MAN1A1: variants seen among roughly 807,000 people sequenced by gnomAD.
The protein encoded by MAN1A1 is mannosyl-oligosaccharide 1,2-alpha-mannosidase IA.
MAN1A1 carries 29 observed loss-of-function variants against 70.8 expected under a neutral mutation model. The ratio of observed to expected loss-of-function variants is 0.41; its 90% CI spans 0.31 to 0.56. MAN1A1 has a LOEUF of 0.56. Ranked by LOEUF, MAN1A1 falls within the 20% of genes least tolerant of loss-of-function variation. The pLI is 0.29. For synonymous variants in MAN1A1, 349 were observed against 330.1 expected (o/e 1.06, Z -0.62); for missense variants, 747 against 841.3 (o/e 0.89, Z 1.39).
intron 6 of MAN1A1, among the ~76,000 whole-genome samples, chr6:119,220,784 T>C (rs1218747053): frequency 6.6e-6 from 1 of 152,178 alleles, no homozygotes; most frequent in African/African-American, 2.4e-5. Flanking sequence ...TAAATACTTC[T>C]ATATAGGTTA....
At chr6:119,230,030 A>G (rs1275401526) in intron 6 of MAN1A1, among the ~76,000 whole-genome samples, 1 of 152,170 alleles carries the variant, frequency 6.6e-6, no homozygotes, top group African/African-American at 2.4e-5. Context: ...TTCTAGTCAA[A>G]TGATCTGATG....
chr6:119,348,017 A>C (rs1005971455), intron 2 of MAN1A1, among the ~76,000 whole-genome samples: 1 of 152,238 alleles, frequency 6.6e-6, no homozygotes, highest in African/African-American at 2.4e-5. Context: ...CTGGCAGACA[A>C]GGGCCACACA....
intron 2 of MAN1A1, among the ~76,000 whole-genome samples, chr6:119,308,880 T>C (rs1772604859): frequency 6.6e-6 from 1 of 152,216 alleles, no homozygotes; most frequent in Non-Finnish European, 1.5e-5. Context: ...CGATAATTTG[T>C]TTCAGCTTTG....
upstream of MAN1A1, among the ~76,000 whole-genome samples, chr6:119,350,079 C>T (rs1444836596): frequency 6.6e-6 from 1 of 152,124 alleles, no homozygotes; most frequent in African/African-American, 2.4e-5. Context: ...CCTGCGCTGG[C>T]CTCGGCAGGG....
chr6:119,312,400 C>T (rs1427210506), intron 2 of MAN1A1, among the ~76,000 whole-genome samples: 5 of 152,132 alleles, frequency 3.3e-5, no homozygotes, highest in Non-Finnish European at 7.4e-5. Flanking sequence ...TTTGGTGGAA[C>T]TGGAAAACAG....
chr6:119,341,863 C>T (rs972272655), intron 2 of MAN1A1, among the ~76,000 whole-genome samples: 2 of 152,164 alleles, frequency 1.3e-5, no homozygotes, highest in East Asian at 1.9e-4. Context: ...CACCTGTAAT[C>T]CCAACACTTT....
At position 119,252,155 on chromosome 6, in the gene MAN1A1, T is replaced by C. The variant is rs1775335010; in HGVS notation, c.898-3801A>G. Reference sequence around the variant, plus strand: ...TGGCACTCAATAGATGTTCATTTAATAAATAAATGAATCAATTTAAGATTA... The same window carrying C: ...TGGCACTCAATAGATGTTCATTTAACAAATAAATGAATCAATTTAAGATTA... On this transcript the variant is annotated intron_variant, in intron 5 of 12. Coordinates refer to ENST00000368468, the MANE Select transcript of MAN1A1 (RefSeq NM_005907.4). Among the ~76,000 whole-genome samples, 3 of 152,246 alleles carry C rather than the reference T, an allele frequency of 2.0e-5. 1 individual carries two copies. Among genetic ancestry groups the C allele is most frequent in the Admixed American group, 1.3e-4 (2 of 15,292 alleles).
chr6:119,219,764 T>C (rs1774307260), intron 6 of MAN1A1, among the ~76,000 whole-genome samples: 1 of 152,164 alleles, frequency 6.6e-6, no homozygotes, highest in Non-Finnish European at 1.5e-5. Context: ...CTTAAAGCAA[T>C]GTAATTGCTA....
intron 8 of MAN1A1, among the ~76,000 whole-genome samples, chr6:119,199,804 C>T (rs918529927): frequency 7.5e-4 from 113 of 151,566 alleles, no homozygotes; most frequent in African/African-American, 2.7e-3. Flanking sequence ...CCCAGCTACT[C>T]GGGGCGGGGG....
chr6:119,194,455 C>T (rs2114937503), intron 8 of MAN1A1, among the ~76,000 whole-genome samples: 1 of 152,234 alleles, frequency 6.6e-6, no homozygotes, highest in Admixed American at 6.5e-5. Context: ...TCCCAAGTGG[C>T]TGGGACTACA....
At chr6:119,242,134 G>GACACACGCACACACAC (rs1775029719) in intron 6 of MAN1A1, among the ~76,000 whole-genome samples, 1 of 150,526 alleles carries the variant, frequency 6.6e-6, no homozygotes, top group Non-Finnish European at 1.5e-5. Flanking sequence ...CAGACAGACA[G>GACACACGCACACACAC]ACACACACAC....
chr6:119,311,042 T>C (rs1772686890), intron 2 of MAN1A1, among the ~76,000 whole-genome samples: 1 of 152,174 alleles, frequency 6.6e-6, no homozygotes, highest in South Asian at 2.1e-4. Context: ...ATCGTCAGTG[T>C]GACTCTAAGC....
chr6:119,180,503 C>A, intron 11 of MAN1A1, 76 bp from the exon 12 acceptor site: 3 of 799,412 alleles, frequency 3.8e-6, no homozygotes, highest in Admixed American at 2.3e-5. Context: ...ATTAGATTGT[C>A]AAGTTCAGAT....
At chr6:119,229,764 A>T (rs1774624795) in intron 6 of MAN1A1, among the ~76,000 whole-genome samples, 1 of 152,202 alleles carries the variant, frequency 6.6e-6, no homozygotes, top group South Asian at 2.1e-4. Context: ...AAGAAAACAA[A>T]CAGATAAAGA....
chr6:119,227,480 T>C (rs1454529140), intron 6 of MAN1A1, among the ~76,000 whole-genome samples: 1 of 152,158 alleles, frequency 6.6e-6, no homozygotes, highest in Non-Finnish European at 1.5e-5. Context: ...TACAATTTCA[T>C]TGTTTTGTTT....
chr6:119,235,804 G>A (rs1203903940), intron 6 of MAN1A1, among the ~76,000 whole-genome samples: 2 of 152,142 alleles, frequency 1.3e-5, no homozygotes, highest in East Asian at 3.9e-4. Flanking sequence ...AATGCAGCTG[G>A]TGACTTTATG....
rs563064760 is a variant in MAN1A1 at position 119,261,203 on chromosome 6, T to C, written c.898-12849A>G. Among the ~76,000 whole-genome samples the C allele has an allele frequency of 1.8e-3, 270 of 152,012 alleles. 1 individual carries two copies. Among genetic ancestry groups the C allele is most frequent in the African/African-American group, 6.3e-3 (263 of 41,462 alleles). On this transcript the variant is annotated intron_variant, in intron 5 of 12. Coordinates refer to ENST00000368468, the MANE Select transcript of MAN1A1 (RefSeq NM_005907.4). ...ACCGTGTTGGCCAGGATGGTCTCGA[T>C]CTCCTGACCTCGTGATCCACCCGCC...
intron 6 of MAN1A1, among the ~76,000 whole-genome samples, chr6:119,220,870 A>C (rs771254939): frequency 2.6e-5 from 4 of 152,196 alleles, no homozygotes; most frequent in Non-Finnish European, 4.4e-5. Context: ...AGATATCACC[A>C]ATCTATATTT....
intron 11 of MAN1A1, among the ~76,000 whole-genome samples, chr6:119,186,878 A>G (rs1179711811): frequency 6.6e-6 from 1 of 152,172 alleles, no homozygotes; most frequent in Non-Finnish European, 1.5e-5. Context: ...TCACCACTAT[A>G]GCTCAGGTTC....
Sources: allele counts gnomAD v4.1 joint callset (sites outside exome capture counted in the v4.1 genomes callset), GRCh38; gene constraint gnomAD v4.1.1; transcripts MANE v1.5; gene names NCBI Gene and HGNC (gene_info 2026-07-23, HGNC 2026-07-21).